PCDHGA2: variants seen among roughly 807,000 people sequenced by gnomAD.
PCDHGA2 encodes the protein protocadherin gamma-A2.
PCDHGA2 carries 40 observed loss-of-function variants against 59.2 expected under a neutral mutation model. The observed-to-expected ratio is 0.68, with a 90% CI of 0.52 to 0.88. The LOEUF is 0.88. PCDHGA2 is among the 40% of genes least tolerant of loss of function. The probability of loss-of-function intolerance (pLI) is 0.00; values close to 1 mark genes in which losing one functional copy is unlikely to be tolerated. For synonymous variants in PCDHGA2, 560 were observed against 526.0 expected, an observed-to-expected ratio of 1.06 and a Z score of -0.89; for missense variants, 1,226 against 1,204.0, an observed-to-expected ratio of 1.02 and a Z score of -0.27.
At chr5:141,504,462 G>A (rs1375731108) in intron 2 of PCDHGA2, among the ~76,000 whole-genome samples, 5 of 152,074 alleles carry the variant, frequency 3.3e-5, no homozygotes, top group African/African-American at 9.7e-5. Flanking sequence ...TGGGGCAGCC[G>A]CTGGGATGGG....
chr5:141,407,924 C>T, intron 1 of PCDHGA2: 2 of 482,212 alleles, frequency 4.1e-6, no homozygotes, highest in Non-Finnish European at 3.6e-6. Flanking sequence ...CTGTCCCGCA[C>T]GGAGCCTCTG....
At chr5:141,418,803 A>G (rs1358411126) in intron 1 of PCDHGA2, 1 of 1,613,894 alleles carries the variant, frequency 6.2e-7, no homozygotes, top group Non-Finnish European at 8.5e-7. Context: ...GTAGAAAGAT[A>G]TACGATAAAC....
At chr5:141,413,056 T>A in intron 1 of PCDHGA2, 1 of 1,030,200 alleles carries the variant, frequency 9.7e-7, no homozygotes, top group East Asian at 2.6e-5. Flanking sequence ...GGAAGCTCAC[T>A]CCAGAATTTA....
At position 141,477,532 on chromosome 5, in the gene PCDHGA2, CG is replaced by C; in HGVS notation, c.2425-17271del. 6.2e-7 allele frequency: 1 copy of C among 1,614,146 alleles called. No individual in the cohort carries two copies. The highest frequency in any genetic ancestry group is 8.5e-7 in the Non-Finnish European group (1 of 1,180,028). Reference sequence around the variant, plus strand: ...TTTACATTGAAGAAAACAACCTCCCCGGGGCTCCAATACTAAACCTAAGTGT... The same window carrying C: ...TTTACATTGAAGAAAACAACCTCCCCGGGCTCCAATACTAAACCTAAGTGT... On this transcript the variant is annotated intron_variant, in intron 1 of 3. Transcript: ENST00000394576. This position sits in a 1 kb window ranked among gnomAD's most constrained non-coding sequence, Gnocchi z 4.9.
intron 1 of PCDHGA2, chr5:141,359,992 TC>T: frequency 2.9e-6 from 3 of 1,042,060 alleles, no homozygotes; most frequent in Non-Finnish European, 4.0e-6. Flanking sequence ...GAGGGGAACT[TC>T]CTGCACAAAC....
chr5:141,351,167 T>C, intron 1 of PCDHGA2: 7 of 1,613,944 alleles, frequency 4.3e-6, no homozygotes, highest in Non-Finnish European at 5.9e-6. Context: ...CAATGGCACA[T>C]TGGATTTTGA....
chr5:141,394,276 C>T, intron 1 of PCDHGA2: 2 of 1,613,976 alleles, frequency 1.2e-6, no homozygotes, highest in South Asian at 1.1e-5. Flanking sequence ...GCCCAGGTCA[C>T]TTACTCTGTG....
At chr5:141,416,687 A>G (rs1283053610) in intron 1 of PCDHGA2, 1 of 152,270 alleles carries the variant, frequency 6.6e-6, no homozygotes, top group Non-Finnish European at 1.5e-5. Flanking sequence ...GGGAAATTAT[A>G]TAAACAAAGG....
chr5:141,418,247 G>A, intron 1 of PCDHGA2: 1 of 1,614,032 alleles, frequency 6.2e-7, no homozygotes, highest in Non-Finnish European at 8.5e-7. Context: ...TAATGACCAC[G>A]CCCCTCAATT....
chr5:141,450,110 G>C (rs2098669636), intron 1 of PCDHGA2, among the ~76,000 whole-genome samples: 1 of 147,716 alleles, frequency 6.8e-6, no homozygotes. Context: ...AGGTTCAAAT[G>C]ATTCTCCTGC....
At chr5:141,346,480 T>C in intron 1 of PCDHGA2, 1 of 1,613,508 alleles carries the variant, frequency 6.2e-7, no homozygotes, top group Admixed American at 1.7e-5. Flanking sequence ...ATTTCTTTGA[T>C]TATTAAGAAC....
intron 1 of PCDHGA2, chr5:141,350,536 T>C: frequency 6.2e-7 from 1 of 1,613,990 alleles, no homozygotes; most frequent in Non-Finnish European, 8.5e-7. Context: ...GAGAGAAGAT[T>C]TGCGGAAGGA....
rs760367783 is a variant in PCDHGA2 at position 141,394,819 on chromosome 5, C to T, written c.2424+53424C>T. The T allele has an allele frequency of 2.5e-6, 4 of 1,613,890 alleles. No individual in the cohort carries two copies. In the South Asian group the frequency reaches 4.4e-5, roughly 18 times the overall value. On this transcript the variant is annotated intron_variant, in intron 1 of 3. Transcript: ENST00000394576. ...ACCGTAGCCGTGGCTGACAGCATCCCCGAAGTCCTGACCGAGTTGGGCAGT... is the reference window on the plus strand; with the variant it reads ...ACCGTAGCCGTGGCTGACAGCATCCTCGAAGTCCTGACCGAGTTGGGCAGT...
intron 1 of PCDHGA2, chr5:141,410,798 T>C: frequency 1.4e-6 from 1 of 712,186 alleles, no homozygotes; most frequent in Non-Finnish European, 2.1e-6. Flanking sequence ...CATAAGTTGC[T>C]CTATCTTTTT....
chr5:141,398,105 G>A (rs778559832), intron 1 of PCDHGA2: 2 of 1,595,534 alleles, frequency 1.3e-6, no homozygotes, highest in East Asian at 4.5e-5. Context: ...AGGCTGGTGA[G>A]CAAGCTGAGG....
chr5:141,339,032 G>A lies in PCDHGA2; in HGVS notation c.61G>A (p.Ala21Thr). 6.3e-7 allele frequency: 1 copy of A among 1,596,252 alleles called. No individual in the cohort carries two copies. The highest frequency in any genetic ancestry group is 8.6e-7 in the Non-Finnish European group (1 of 1,167,992). The part of the protein sequence containing the change: ...RKLVLLCFLL[A>T]TLWEARAGQI... ...GCTGGTCCTGCTGTGCTTCCTTTTGGCGACCCTGTGGGAGGCCAGGGCCGG... is the reference window on the plus strand; with the variant it reads ...GCTGGTCCTGCTGTGCTTCCTTTTGACGACCCTGTGGGAGGCCAGGGCCGG... Residue 21 changes from alanine (A) to threonine (T), a missense_variant, in exon 1 of 4, where the codon GCG becomes ACG. Coordinates refer to ENST00000394576, the MANE Select transcript of PCDHGA2 (RefSeq NM_018915.4).
At chr5:141,394,845 C>G (rs2093112269) in intron 1 of PCDHGA2, 20 of 1,613,866 alleles carry the variant, frequency 1.2e-5, no homozygotes, top group Non-Finnish European at 1.7e-5. Flanking sequence ...GTTGGGCAGT[C>G]TGAAGCCTTC....
chr5:141,469,992 G>T (rs894673835), intron 1 of PCDHGA2, among the ~76,000 whole-genome samples: 2 of 152,056 alleles, frequency 1.3e-5, no homozygotes, highest in Non-Finnish European at 2.9e-5. Context: ...TTAGCTGGTC[G>T]TCGTGGCACG....
rs1012028735 is a variant in PCDHGA2 at position 141,413,666 on chromosome 5, C to T, written c.2424+72271C>T. 4 of 1,613,666 alleles carry T rather than the reference C, an allele frequency of 2.5e-6. No individual in the cohort carries two copies. In the African/African-American group the frequency reaches 5.3e-5, roughly 22 times the overall value. On this transcript the variant is annotated intron_variant, in intron 1 of 3. Coordinates refer to ENST00000394576, the MANE Select transcript of PCDHGA2 (RefSeq NM_018915.4). ...TTTCCTCTCCCGGAAGCTATTGATC[C>T]GGATGTGGGCGTGAACTCCCTGCAG... is the stretch of plus-strand genomic sequence containing the variant.
Sources: allele counts gnomAD v4.1 joint callset (sites outside exome capture counted in the v4.1 genomes callset), GRCh38; gene constraint gnomAD v4.1.1; non-coding constraint Gnocchi (gnomAD v3.1); transcripts MANE v1.5; gene names NCBI Gene and HGNC (gene_info 2026-07-23, HGNC 2026-07-21).